RIN3: variants seen among roughly 807,000 people sequenced by gnomAD.
The protein encoded by RIN3 is RAB5 interacting protein 3.
RIN3 carries 54 observed loss-of-function variants against 76.3 expected under a neutral mutation model. The ratio of observed to expected loss-of-function variants is 0.71; its 90% confidence interval spans 0.57 to 0.89. The LOEUF (loss-of-function observed/expected upper bound fraction) is 0.89. Among genes scored for constraint, RIN3 ranks in the 40% least tolerant of loss-of-function variants. The pLI is 0.00. For missense variants in RIN3, 1,256 were observed against 1,322.1 expected (o/e 0.95, Z 0.78); for synonymous variants, 576 against 564.0 (o/e 1.02, Z -0.30).
At chr14:92,565,888 G>A (rs188977079) in intron 2 of RIN3, among the ~76,000 whole-genome samples, 118 of 152,226 alleles carry the variant, frequency 7.8e-4, no homozygotes, top group Non-Finnish European at 1.2e-3. Flanking sequence ...CAGCCCAGCC[G>A]GTCTCAGCTG....
At chr14:92,678,187 C>T (rs1888538048) in intron 8 of RIN3, among the ~76,000 whole-genome samples, 1 of 151,096 alleles carries the variant, frequency 6.6e-6, no homozygotes, top group Non-Finnish European at 1.5e-5. Context: ...CCCATTCACC[C>T]ATCCATCCAT....
At chr14:92,657,407 G>T (rs1404952802) in intron 6 of RIN3, among the ~76,000 whole-genome samples, 1 of 151,754 alleles carries the variant, frequency 6.6e-6, no homozygotes, top group Admixed American at 6.6e-5. Context: ...TCCATGCTTA[G>T]GGTGCTTCTG....
At chr14:92,530,672 T>A (rs1177633750) in intron 1 of RIN3, among the ~76,000 whole-genome samples, 1 of 152,056 alleles carries the variant, frequency 6.6e-6, no homozygotes, top group Non-Finnish European at 1.5e-5. Flanking sequence ...GAACCCAGGT[T>A]TCTCTGAGTC....
intron 1 of RIN3, among the ~76,000 whole-genome samples, chr14:92,538,195 C>A (rs541117733): frequency 6.6e-6 from 1 of 151,948 alleles, no homozygotes; most frequent in South Asian, 2.1e-4. Flanking sequence ...GTCTCAAACT[C>A]CTGACCTAGG....
intron 2 of RIN3, among the ~76,000 whole-genome samples, chr14:92,565,758 G>C (rs1897900244): frequency 6.6e-6 from 1 of 152,162 alleles, no homozygotes; most frequent in South Asian, 2.1e-4. Flanking sequence ...CTTGGTTTTG[G>C]TGGGTTTGGG....
intron 3 of RIN3, among the ~76,000 whole-genome samples, chr14:92,605,492 G>A (rs553201971): frequency 5.1e-4 from 77 of 152,310 alleles, no homozygotes; most frequent in African/African-American, 1.6e-3. Context: ...GTACATCCTC[G>A]TTCCATGCTT....
At chr14:92,520,465 G>A (rs1367937971) in intron 1 of RIN3, among the ~76,000 whole-genome samples, 1 of 152,222 alleles carries the variant, frequency 6.6e-6, no homozygotes, top group African/African-American at 2.4e-5. Flanking sequence ...CCTCCATTTT[G>A]CTACTGACTC....
In RIN3 at chr14:92,538,292, A is replaced by G. The variant is rs546793773; in HGVS notation, c.45-17459A>G. On this transcript the variant is annotated intron_variant, in intron 1 of 9. Transcript: ENST00000216487. ...CCCTTAGGGACGATTTTTAATGGCT[A>G]TATATTATTCCATTGTTTGTATGAG... 5.6e-4 allele frequency among the ~76,000 whole-genome samples: 85 copies of G among 152,354 alleles called. 2 individuals carry two copies. The South Asian group carries it at 0.017, about 30-fold the overall frequency.
chr14:92,518,023 C>T (rs1896489738), intron 1 of RIN3, among the ~76,000 whole-genome samples: 4 of 152,236 alleles, frequency 2.6e-5, no homozygotes, highest in South Asian at 2.1e-4. Flanking sequence ...TCCTCTCCAA[C>T]GTGCAGAGCT....
intron 8 of RIN3, among the ~76,000 whole-genome samples, chr14:92,676,974 A>C (rs1229397108): frequency 6.6e-6 from 1 of 152,042 alleles, no homozygotes; most frequent in African/African-American, 2.4e-5. Flanking sequence ...AAAAAGGGAA[A>C]AGGCAGTCTT....
rs534893875 is a variant in RIN3 at position 92,653,100 on chromosome 14, A to G, written c.2026+25A>G. 1,562 of 1,580,318 alleles carry G rather than the reference A, an allele frequency of 9.9e-4. 28 individuals are homozygous for G. In the South Asian group the frequency reaches 0.016, roughly 16 times the overall value. ...GGTCAGTGCCCTGGGAGGAGGTGGCAGGGAGGAGAGGGCGGTGGGGCTCAC... is the reference window on the plus strand; with the variant it reads ...GGTCAGTGCCCTGGGAGGAGGTGGCGGGGAGGAGAGGGCGGTGGGGCTCAC... On this transcript the variant is annotated intron_variant, in intron 6 of 9. Coordinates refer to ENST00000216487, the MANE Select transcript of RIN3 (RefSeq NM_024832.5).
At chr14:92,531,790 C>G (rs76354323) in intron 1 of RIN3, among the ~76,000 whole-genome samples, 24 of 152,120 alleles carry the variant, frequency 1.6e-4, no homozygotes, top group Admixed American at 1.4e-3. Context: ...TATGGAGAAC[C>G]TGCAGTGCGT....
intron 2 of RIN3, among the ~76,000 whole-genome samples, chr14:92,569,421 A>AC (rs1898001570): frequency 1.3e-5 from 2 of 151,742 alleles, no homozygotes; most frequent in South Asian, 4.2e-4. Flanking sequence ...AGGTGTTGCC[A>AC]CCCCCATTTA....
intron 3 of RIN3, among the ~76,000 whole-genome samples, chr14:92,599,980 C>A (rs1357657937): frequency 6.6e-6 from 1 of 152,174 alleles, no homozygotes; most frequent in African/African-American, 2.4e-5. Context: ...TGAGAGACTT[C>A]TCTTTGCAGC....
intron 4 of RIN3, among the ~76,000 whole-genome samples, chr14:92,620,631 G>T (rs1476328070): frequency 6.6e-6 from 1 of 152,116 alleles, no homozygotes; most frequent in African/African-American, 2.4e-5. Flanking sequence ...TATACATATG[G>T]ATACACAAGC....
intron 3 of RIN3, among the ~76,000 whole-genome samples, chr14:92,608,252 G>A (rs1179089061): frequency 2.6e-5 from 4 of 152,174 alleles, no homozygotes; most frequent in South Asian, 2.1e-4. Context: ...AATTATGACC[G>A]ATGTTACCAC....
At chr14:92,617,951 A>C (rs1410180479) in intron 4 of RIN3, among the ~76,000 whole-genome samples, 2 of 151,932 alleles carry the variant, frequency 1.3e-5, no homozygotes, top group Non-Finnish European at 2.9e-5. Context: ...TAAACCATGG[A>C]AAAAGGACCT....
At chr14:92,591,711 A>G (rs1400538967) in intron 3 of RIN3, among the ~76,000 whole-genome samples, 1 of 152,194 alleles carries the variant, frequency 6.6e-6, no homozygotes, top group Non-Finnish European at 1.5e-5. Flanking sequence ...AAAAACACCA[A>G]CCAAGATTTC....
rs760359502 is a variant in RIN3, at chr14:92,514,784, C to T, written c.44+808C>T. On this transcript the variant is annotated intron_variant, in intron 1 of 9. Coordinates refer to ENST00000216487, the MANE Select transcript of RIN3 (RefSeq NM_024832.5). This position sits in a 1 kb window ranked among gnomAD's most constrained non-coding sequence, Gnocchi z 7.2. Reference sequence around the variant, plus strand: ...TCTGGGAGAAAGTCCTCTCGCCTTGCCCAGCTCAGAGGGCGTCCTGAGAAG... The same window carrying T: ...TCTGGGAGAAAGTCCTCTCGCCTTGTCCAGCTCAGAGGGCGTCCTGAGAAG... Among the ~76,000 whole-genome samples, 2 of 152,234 alleles carry T rather than the reference C, an allele frequency of 1.3e-5. No homozygotes were observed. Among genetic ancestry groups the T allele is most frequent in the Non-Finnish European group, 2.9e-5 (2 of 68,036 alleles).
Sources: allele counts gnomAD v4.1 joint callset (sites outside exome capture counted in the v4.1 genomes callset), GRCh38; gene constraint gnomAD v4.1.1; non-coding constraint Gnocchi (gnomAD v3.1); transcripts MANE v1.5; gene names NCBI Gene and HGNC (gene_info 2026-07-23, HGNC 2026-07-21).